The following SGCG variants were observed in gnomAD, a reference collection of about 807,000 sequenced individuals.
SGCG encodes gamma-sarcoglycan.
In SGCG, 26 loss-of-function variants were observed where a neutral mutation model predicts 29.3. That is an observed-to-expected ratio of 0.89 (90% CI 0.65 to 1.23). The LOEUF (loss-of-function observed/expected upper bound fraction) is 1.23, where lower values mean the gene tolerates loss of function less well. Ranked by LOEUF, SGCG falls within the 50% of genes most tolerant of loss-of-function variation. The pLI is 0.00. For synonymous variants in SGCG, 145 were observed against 129.7 expected (o/e 1.12, Z -0.80); for missense variants, 353 against 356.0 (o/e 0.99, Z 0.07).
intron 1 of SGCG, among the ~76,000 whole-genome samples, chr13:23,185,248 A>G (rs1876923132): frequency 6.6e-6 from 1 of 152,122 alleles, no homozygotes; most frequent in Non-Finnish European, 1.5e-5. Context: ...CTGGAGTGCA[A>G]TGGTGCGATC....
intron 2 of SGCG, among the ~76,000 whole-genome samples, chr13:23,206,927 A>G (rs1878001935): frequency 6.6e-6 from 1 of 152,218 alleles, no homozygotes; most frequent in Non-Finnish European, 1.5e-5. Context: ...TTCCCATCAA[A>G]ATTCCAATGT....
Position 23,295,800 on chromosome 13 carries a change from C to T in SGCG, c.578+313C>T, listed in dbSNP as rs1012100177. ...AAGCTGGTTAAAATGCTTCATCGCT[C>T]CCACATCACATCAGCCATAGGAAAA... On this transcript the variant is annotated intron_variant, in intron 6 of 7. Transcript: ENST00000218867. 5.3e-5 allele frequency among the ~76,000 whole-genome samples: 8 copies of T among 152,308 alleles called. No homozygotes were observed. The South Asian group carries it at 1.5e-3, about 28-fold the overall frequency.
intron 4 of SGCG, 68 bp downstream of exon 4, chr13:23,250,785 G>GT: frequency 1.1e-6 from 1 of 913,310 alleles, no homozygotes; most frequent in Non-Finnish European, 1.8e-6. Context: ...TGAATGCATT[G>GT]TTTTTTCTTC....
intron 1 of SGCG, among the ~76,000 whole-genome samples, chr13:23,188,311 C>CTTTTT (rs71100159): frequency 5.1e-5 from 4 of 78,354 alleles, no homozygotes; most frequent in East Asian, 3.6e-4. Context: ...TTTACTAAGG[C>CTTTTT]TTTTTTTTTT....
intron 7 of SGCG, among the ~76,000 whole-genome samples, chr13:23,323,543 G>A (rs900697293): frequency 9.9e-5 from 15 of 152,190 alleles, no homozygotes; most frequent in Admixed American, 7.2e-4. Context: ...GCCCTGGAGT[G>A]GGCAACGTTT....
At chr13:23,286,414 G>A (rs572795058) in intron 5 of SGCG, among the ~76,000 whole-genome samples, 1 of 152,328 alleles carries the variant, frequency 6.6e-6, no homozygotes, top group South Asian at 2.1e-4. Flanking sequence ...CCATGATGAT[G>A]ACATGATAGT....
intron 4 of SGCG, among the ~76,000 whole-genome samples, chr13:23,270,468 T>G (rs1880830267): frequency 6.6e-6 from 1 of 152,182 alleles, no homozygotes; most frequent in African/African-American, 2.4e-5. Flanking sequence ...GAGGGCCATT[T>G]TTGTATCTTT....
At chr13:23,304,973 A>G (rs888004381) in intron 6 of SGCG, among the ~76,000 whole-genome samples, 22 of 130,756 alleles carry the variant, frequency 1.7e-4, no homozygotes, top group Non-Finnish European at 1.3e-4. Context: ...ACAGGCTTGC[A>G]CGTGCTCACA....
At chr13:23,299,407 C>CATGTAT (rs1161342960) in intron 6 of SGCG, among the ~76,000 whole-genome samples, 9 of 23,928 alleles carry the variant, frequency 3.8e-4, no homozygotes, top group East Asian at 4.5e-3. Context: ...TCTTAGTTGG[C>CATGTAT]ATATATATAT....
chr13:23,275,503 TA>T (rs35071248), intron 4 of SGCG, among the ~76,000 whole-genome samples: 25,217 of 145,432 alleles, frequency 0.17, 2,375 homozygotes, highest in Non-Finnish European at 0.21. Context: ...ACCCTGTCTT[TA>T]AAAAAAAAAA....
chr13:23,233,833 A>G (rs537265089), intron 2 of SGCG, among the ~76,000 whole-genome samples: 2 of 152,324 alleles, frequency 1.3e-5, no homozygotes, highest in East Asian at 1.9e-4. Context: ...CTGGGTAGGG[A>G]GGACGAGCCT....
At chr13:23,299,443 TATATATA>T (rs1277861590) in intron 6 of SGCG, among the ~76,000 whole-genome samples, 253 of 23,044 alleles carry the variant, frequency 0.011, 28 homozygotes, top group African/African-American at 0.031. Context: ...TATATATATA[TATATATA>T]TATATATTTT....
intron 4 of SGCG, among the ~76,000 whole-genome samples, chr13:23,275,408 C>T (rs1015445697): frequency 6.6e-6 from 1 of 151,420 alleles, no homozygotes; most frequent in Non-Finnish European, 1.5e-5. Context: ...GAAGCTGAGG[C>T]AGGAGAATCG....
intron 7 of SGCG, 69 bp from the exon 8 acceptor site, chr13:23,324,299 G>A: frequency 6.9e-7 from 1 of 1,440,400 alleles, no homozygotes; most frequent in Non-Finnish European, 9.8e-7. Context: ...AATCTTGTGA[G>A]AATGGGGATT....
rs112136046 is a variant in SGCG at position 23,250,779 on chromosome 13, T to C, written c.385+62T>C. 19 of 937,500 alleles carry C rather than the reference T, an allele frequency of 2.0e-5. 1 individual carries two copies. The highest frequency in any genetic ancestry group is 1.9e-4 in the African/African-American group (12 of 62,012). 58.1% of individuals were successfully genotyped at this position (937,500 alleles called of 1,614,324 possible). A position where few individuals can be genotyped will look rare whatever the true frequency, so the allele number is the denominator to read the frequency against. ...TTGTCCATGAATAGTGCTAAATGAA[T>C]GCATTGTTTTTTCTTCTAAAGAAAT... On this transcript the variant is annotated intron_variant, in intron 4 of 7. Transcript: ENST00000218867.
In SGCG at chr13:23,189,341, T is replaced by A. The variant is rs530580812; in HGVS notation, c.-1+8266T>A. On this transcript the variant is annotated intron_variant, in intron 1 of 7. Coordinates refer to ENST00000218867, the MANE Select transcript of SGCG (RefSeq NM_000231.3). ...ATAGGTGCATGCCACCACGCCTGGC[T>A]ATTTTTTGTATTTTTAGTAGAGATG... 6.6e-5 allele frequency among the ~76,000 whole-genome samples: 10 copies of A among 152,260 alleles called. No individual in the cohort carries two copies. In the East Asian group the frequency reaches 1.9e-3, roughly 29 times the overall value.
At chr13:23,215,099 T>A (rs1347621813) in intron 2 of SGCG, among the ~76,000 whole-genome samples, 1 of 152,148 alleles carries the variant, frequency 6.6e-6, no homozygotes, top group Non-Finnish European at 1.5e-5. Flanking sequence ...ATTACAGCAA[T>A]TGGGAAATAA....
chr13:23,199,897 G>A (rs1565996782), intron 1 of SGCG, among the ~76,000 whole-genome samples: 2 of 152,214 alleles, frequency 1.3e-5, no homozygotes, highest in Admixed American at 6.5e-5. Flanking sequence ...GTGGGCAGAT[G>A]TGGGGGGACT....
chr13:23,271,685 G>A (rs1880882515), intron 4 of SGCG, among the ~76,000 whole-genome samples: 1 of 151,970 alleles, frequency 6.6e-6, no homozygotes, highest in South Asian at 2.1e-4. Flanking sequence ...ATGAACTTTT[G>A]CATCAATTTG....
Sources: allele counts gnomAD v4.1 joint callset (sites outside exome capture counted in the v4.1 genomes callset), GRCh38; gene constraint gnomAD v4.1.1; transcripts MANE v1.5; gene names NCBI Gene and HGNC (gene_info 2026-07-23, HGNC 2026-07-21).